Variants in ABCG2 observed in about 807,000 individuals in gnomAD.
ABCG2 encodes ATP binding cassette subfamily G member 2 (JR blood group).
A neutral mutation model predicts 73.5 loss-of-function variants in ABCG2; 80 were observed. The observed-to-expected ratio is 1.09, with a 90% CI of 0.91 to 1.31. The LOEUF (loss-of-function observed/expected upper bound fraction) is 1.31, where lower values mean the gene tolerates loss of function less well. Ranked by LOEUF, ABCG2 falls within the 50% of genes most tolerant of loss-of-function variation. The pLI, the probability that ABCG2 is intolerant of heterozygous loss-of-function variation, is 0.00. For synonymous variants in ABCG2, 269 were observed against 282.4 expected (o/e 0.95, Z 0.48); for missense variants, 796 against 786.2 (o/e 1.01, Z -0.15).
rs538143253 is a variant in ABCG2 at position 88,198,443 on chromosome 4, C to T, written c.-20+32551G>A. ...AAGCTAGGAGTTCAAGACCACCCTGCAGAACATAGCGAGATCCAATCACTA... is the reference window on the plus strand; with the variant it reads ...AAGCTAGGAGTTCAAGACCACCCTGTAGAACATAGCGAGATCCAATCACTA... On this transcript the variant is annotated intron_variant, in intron 1 of 15. Transcript: ENST00000515655. Among the ~76,000 whole-genome samples the T allele has an allele frequency of 3.9e-5, 6 of 152,212 alleles. No homozygotes were observed. The East Asian group carries it at 1.2e-3, about 29-fold the overall frequency.
At position 88,114,971 on chromosome 4, in the gene ABCG2, T is replaced by C; in HGVS notation, c.929A>G (p.Glu310Gly). Residue 310 changes from glutamate (E) to glycine (G), a missense_variant, in exon 8 of 16, where the codon GAA becomes GGA. By Grantham distance (98) the Glu-to-Gly change is moderately conservative (BLOSUM62 -2). Coordinates refer to ENST00000237612, the MANE Select transcript of ABCG2 (RefSeq NM_004827.3). ...GDSTAVALNR[E>G]EDFKATEIIE... ...GATTCATATACCTTTAAAGTCTTCTTCTCTGTTTAATGCCACAGCAGTGGA... is the reference window on the plus strand; with the variant it reads ...GATTCATATACCTTTAAAGTCTTCTCCTCTGTTTAATGCCACAGCAGTGGA... The C allele has an allele frequency of 1.2e-6, 2 of 1,610,768 alleles. No individual in the cohort carries two copies. Among genetic ancestry groups the C allele is most frequent in the Non-Finnish European group, 1.7e-6 (2 of 1,177,532 alleles).
chr4:88,151,359 G>T (rs1032547688), intron 1 of ABCG2, among the ~76,000 whole-genome samples: 1 of 152,298 alleles, frequency 6.6e-6, no homozygotes, highest in Non-Finnish European at 1.5e-5. Flanking sequence ...CTTGTTCTCC[G>T]TGAGTCTAGT....
At chr4:88,167,287 C>T (rs948759488) in intron 1 of ABCG2, among the ~76,000 whole-genome samples, 2 of 151,866 alleles carry the variant, frequency 1.3e-5, no homozygotes, top group African/African-American at 2.4e-5. Context: ...CTCTTGGCTG[C>T]CTGCATTTCT....
At chr4:88,203,221 T>C (rs12504163) in intron 1 of ABCG2, among the ~76,000 whole-genome samples, 58,706 of 151,798 alleles carry the variant, frequency 0.39, 12,580 homozygotes, top group East Asian at 0.6. Context: ...GGGGATGGAA[T>C]TGAGGATGAG....
At chr4:88,176,198 T>C (rs79521810) in intron 1 of ABCG2, among the ~76,000 whole-genome samples, 6,086 of 151,946 alleles carry the variant, frequency 0.04, 181 homozygotes, top group Middle Eastern at 0.061. Context: ...TCTTGCCATG[T>C]TGCCCAGGCT....
chr4:88,211,810 G>A (rs1729612239), intron 1 of ABCG2, among the ~76,000 whole-genome samples: 1 of 152,110 alleles, frequency 6.6e-6, no homozygotes, highest in Non-Finnish European at 1.5e-5. Flanking sequence ...TGCACTAAAG[G>A]GAAAAACGGG....
At position 88,158,480 on chromosome 4, in the gene ABCG2, G is replaced by A. The variant is rs111766106; in HGVS notation, c.-114C>T. 5,066 of 456,144 alleles carry A rather than the reference G, an allele frequency of 0.011. 160 individuals are homozygous for A. Among genetic ancestry groups the A allele is most frequent in the African/African-American group, 0.064 (3,201 of 50,128 alleles). The allele number at this position is 456,144 out of a possible 1,614,324, so 28.3% of individuals were successfully genotyped here. A position where few individuals can be genotyped will look rare whatever the true frequency, so the allele number is the denominator to read the frequency against. The stretch of plus-strand genomic sequence containing the variant: ...TTTAACAATTAAGGATGTAAATGTT[G>A]GGATGAGTCACCCGGACCTTCCAAA... On this transcript the variant is annotated 5_prime_UTR_variant, in exon 1 of 16. Transcript: ENST00000237612.
exon 1 of ABCG2, chr4:88,231,118 C>T (rs1730448784): frequency 6.6e-6 from 1 of 152,148 alleles, no homozygotes; most frequent in Non-Finnish European, 1.5e-5. Context: ...GGACCCACGC[C>T]TACTAAACAG....
At chr4:88,164,192 G>A (rs146096417), upstream of ABCG2, among the ~76,000 whole-genome samples, 1 of 151,998 alleles carries the variant, frequency 6.6e-6, no homozygotes, top group African/African-American at 2.4e-5. Flanking sequence ...TCAGCCTCCT[G>A]AGTAGCTGGG....
chr4:88,166,452 C>T (rs1727522259), intron 1 of ABCG2, among the ~76,000 whole-genome samples: 1 of 152,182 alleles, frequency 6.6e-6, no homozygotes. Context: ...AGAGCCTCTT[C>T]ACCTGAGTAA....
chr4:88,147,160 ACCCTCACAGGCTT>A (rs1027405866), intron 1 of ABCG2, among the ~76,000 whole-genome samples: 1 of 152,126 alleles, frequency 6.6e-6, no homozygotes, highest in Non-Finnish European at 1.5e-5. Flanking sequence ...TCTTCCAGGC[ACCCTCACAGGCTT>A]CCCTATGAAA....
intron 6 of ABCG2, among the ~76,000 whole-genome samples, chr4:88,121,187 C>T (rs370361393): frequency 1.5e-4 from 23 of 151,812 alleles, no homozygotes; most frequent in East Asian, 5.8e-4. Flanking sequence ...GACTCACAAC[C>T]CAGTCTGAAG....
rs573824999 is a variant in ABCG2 at position 88,229,118 on chromosome 4, T to C, written c.-20+1876A>G. On this transcript the variant is annotated intron_variant, in intron 1 of 15. Coordinates refer to the ABCG2 transcript ENST00000515655. ...CGCTCTTCATAATAAATCTTGCTGCTGCTCACTCTTTGGGTCCGCACTACC... is the reference window on the plus strand; with the variant it reads ...CGCTCTTCATAATAAATCTTGCTGCCGCTCACTCTTTGGGTCCGCACTACC... 5.9e-5 allele frequency among the ~76,000 whole-genome samples: 9 copies of C among 152,350 alleles called. No individual in the cohort carries two copies. In the South Asian group the frequency reaches 1.9e-3, roughly 32 times the overall value.
At chr4:88,164,966 T>A (rs1291769282) in intron 1 of ABCG2, among the ~76,000 whole-genome samples, 2 of 151,824 alleles carry the variant, frequency 1.3e-5, no homozygotes, top group Non-Finnish European at 2.9e-5. Context: ...TTAGTAGAGA[T>A]GGGGTCTCAC....
Position 88,215,094 on chromosome 4 carries a change from A to C in ABCG2, c.-20+15900T>G, listed in dbSNP as rs141017431. Among the ~76,000 whole-genome samples, 7 of 152,268 alleles carry C rather than the reference A, an allele frequency of 4.6e-5. No homozygotes were observed. The East Asian group carries it at 1.4e-3, about 30-fold the overall frequency. Reference sequence around the variant, plus strand: ...GTGACAGAATGAGACAGTCTTAAAAAAATTTTGGAAAAAAAAGAGAGTTGC... The same window carrying C: ...GTGACAGAATGAGACAGTCTTAAAACAATTTTGGAAAAAAAAGAGAGTTGC... On this transcript the variant is annotated intron_variant, in intron 1 of 15. Coordinates refer to the ABCG2 transcript ENST00000515655.
intron 1 of ABCG2, among the ~76,000 whole-genome samples, chr4:88,199,140 T>C (rs901640753): frequency 3.9e-5 from 6 of 152,020 alleles, no homozygotes; most frequent in Admixed American, 6.6e-5. Context: ...AACTAATTTT[T>C]GCATTTTTAG....
At chr4:88,187,236 T>C (rs1422491887) in intron 1 of ABCG2, among the ~76,000 whole-genome samples, 1 of 151,822 alleles carries the variant, frequency 6.6e-6, no homozygotes, top group African/African-American at 2.4e-5. Flanking sequence ...ATAGCACAAC[T>C]GGGTGATTAC....
At chr4:88,118,358 T>C (rs1006317727) in intron 6 of ABCG2, 98 bp from the exon 7 acceptor site, 51 of 1,320,380 alleles carry the variant, frequency 3.9e-5, no homozygotes, top group Non-Finnish European at 5.2e-5. Context: ...TTTGCTCTAG[T>C]TCAGCCTGAC....
intron 9 of ABCG2, among the ~76,000 whole-genome samples, chr4:88,112,256 C>T (rs1358835250): frequency 6.6e-6 from 1 of 152,094 alleles, no homozygotes; most frequent in Admixed American, 6.6e-5. Flanking sequence ...TTGCTTACTA[C>T]ATTTGTTTCA....
Sources: gnomAD v4.1 joint callset for allele counts (sites outside exome capture counted in the v4.1 genomes callset) on GRCh38, gnomAD v4.1.1 for gene constraint, MANE v1.5 for transcripts, NCBI Gene and HGNC (gene_info 2026-07-23, HGNC 2026-07-21) for gene names.